Variants in SGTB observed in about 807,000 individuals in gnomAD.
The protein encoded by SGTB is small glutamine-rich tetratricopeptide repeat-containing protein beta.
SGTB carries 19 observed loss-of-function variants against 43.9 expected under a neutral mutation model. The observed-to-expected ratio is 0.43, with a 90% CI of 0.30 to 0.63. SGTB has a LOEUF of 0.63. SGTB is among the 30% of genes least tolerant of loss of function. SGTB has a pLI of 0.12. For synonymous variants in SGTB, 116 were observed against 117.3 expected (o/e 0.99, Z 0.07); for missense variants, 304 against 358.9 (o/e 0.85, Z 1.24).
At chr5:65,680,896 T>G in intron 6 of SGTB, 102 bp from the exon 7 acceptor site, 1 of 1,255,162 alleles carries the variant, frequency 8.0e-7, no homozygotes, top group Non-Finnish European at 1.1e-6. Flanking sequence ...TCAGTTCTAA[T>G]CCAGATTACA....
chr5:65,690,369 G>T (rs993218854), intron 5 of SGTB, among the ~76,000 whole-genome samples: 1 of 152,148 alleles, frequency 6.6e-6, no homozygotes. Context: ...AGCCCAGGAG[G>T]TCGAGGCTGC....
Position 65,667,312 on chromosome 5 carries a change from G to T in SGTB, c.*2934C>A, listed in dbSNP as rs539596583. 1.3e-5 allele frequency: 2 copies of T among 152,302 alleles called. No individual in the cohort carries two copies. Among genetic ancestry groups the T allele is most frequent in the Admixed American group, 6.5e-5 (1 of 15,292 alleles). The allele number at this position is 152,302 out of a possible 1,614,324, so 9.4% of individuals were successfully genotyped here. ...TGTTTTTCTAGGCAGTCAGCTAGAAGCTTATCTTATTGCTCTAAAAGCATT... is the reference window on the plus strand; with the variant it reads ...TGTTTTTCTAGGCAGTCAGCTAGAATCTTATCTTATTGCTCTAAAAGCATT... On this transcript the variant is annotated 3_prime_UTR_variant, in exon 11 of 11. Transcript: ENST00000381007.
At chr5:65,708,405 A>G in intron 4 of SGTB, 84 bp downstream of exon 4, 1 of 1,176,668 alleles carries the variant, frequency 8.5e-7, no homozygotes, top group South Asian at 1.3e-5. Flanking sequence ...TTGGTGGTGT[A>G]ATCAGAACTA....
intron 2 of SGTB, among the ~76,000 whole-genome samples, chr5:65,718,673 TAGA>T (rs1758195729): frequency 6.6e-6 from 1 of 152,152 alleles, no homozygotes; most frequent in South Asian, 2.1e-4. Flanking sequence ...TAAAAATGTC[TAGA>T]AGGTGGGCAG....
At chr5:65,709,432 G>A (rs1043919997) in intron 3 of SGTB, among the ~76,000 whole-genome samples, 2 of 148,994 alleles carry the variant, frequency 1.3e-5, no homozygotes, top group African/African-American at 5.0e-5. Context: ...AGGCTGAAGT[G>A]CAGTGGCATG....
intron 5 of SGTB, among the ~76,000 whole-genome samples, chr5:65,686,601 C>T (rs149186726): frequency 2.0e-5 from 3 of 152,036 alleles, no homozygotes; most frequent in Non-Finnish European, 4.4e-5. Flanking sequence ...TCATGCTATC[C>T]TCCCGCCTCT....
chr5:65,705,068 C>A (rs991261696), intron 4 of SGTB, among the ~76,000 whole-genome samples: 1 of 152,132 alleles, frequency 6.6e-6, no homozygotes. Context: ...AAAATGTCAG[C>A]AAAATAAGAG....
At chr5:65,713,129 T>C (rs79915448) in intron 2 of SGTB, 65 bp from the exon 3 acceptor site, 8 of 935,830 alleles carry the variant, frequency 8.5e-6, no homozygotes, top group Non-Finnish European at 1.3e-5. Flanking sequence ...GTTTTTTTTT[T>C]CTGATAGAAC....
intron 5 of SGTB, among the ~76,000 whole-genome samples, chr5:65,695,637 T>G (rs552893793): frequency 6.6e-6 from 1 of 152,194 alleles, no homozygotes; most frequent in African/African-American, 2.4e-5. Flanking sequence ...TTCTTCACCT[T>G]ATTAGAAACA....
At chr5:65,679,071 G>A (rs902832807) in intron 8 of SGTB, among the ~76,000 whole-genome samples, 3 of 151,970 alleles carry the variant, frequency 2.0e-5, no homozygotes, top group Admixed American at 6.6e-5. Flanking sequence ...CTACAGAATG[G>A]GAGAACATTT....
chr5:65,707,646 G>A (rs1668986346), intron 4 of SGTB, among the ~76,000 whole-genome samples: 1 of 152,146 alleles, frequency 6.6e-6, no homozygotes, highest in Admixed American at 6.5e-5. Context: ...AGTTGGCCAG[G>A]ATGGTCTTGA....
At chr5:65,679,225 C>A (rs1013605216) in intron 8 of SGTB, among the ~76,000 whole-genome samples, 2 of 152,124 alleles carry the variant, frequency 1.3e-5, no homozygotes, top group Admixed American at 1.3e-4. Flanking sequence ...ATGTGGCCAA[C>A]AAACATATGA....
At chr5:65,680,363 TGCTATA>T (rs1464651355) in intron 8 of SGTB, 125 bp downstream of exon 8, 1 of 847,586 alleles carries the variant, frequency 1.2e-6, no homozygotes, top group African/African-American at 1.7e-5. Flanking sequence ...AACAGAACCC[TGCTATA>T]GCCTTATATC....
At chr5:65,688,740 C>G (rs952204180) in intron 5 of SGTB, among the ~76,000 whole-genome samples, 2 of 152,160 alleles carry the variant, frequency 1.3e-5, no homozygotes, top group African/African-American at 2.4e-5. Context: ...TCAAAGAGAA[C>G]AATAATACCA....
At chr5:65,718,535 G>C (rs1488003252) in intron 2 of SGTB, among the ~76,000 whole-genome samples, 1 of 152,210 alleles carries the variant, frequency 6.6e-6, no homozygotes, top group African/African-American at 2.4e-5. Context: ...TGAAGCAAAT[G>C]TCAGTAGATG....
At chr5:65,679,919 C>A (rs1757360901) in intron 8 of SGTB, among the ~76,000 whole-genome samples, 1 of 152,104 alleles carries the variant, frequency 6.6e-6, no homozygotes, top group Non-Finnish European at 1.5e-5. Context: ...AATGCAAATG[C>A]CTATCAATGA....
intron 5 of SGTB, among the ~76,000 whole-genome samples, chr5:65,703,485 C>T (rs1286013952): frequency 6.6e-6 from 1 of 152,070 alleles, no homozygotes. Context: ...GCAGGTGGAT[C>T]ACTTGAAGTC....
Position 65,680,565 on chromosome 5 carries a change from C to T in SGTB, c.619-9G>A, listed in dbSNP as rs1757374951. On this transcript the variant is annotated splice_polypyrimidine_tract_variant and intron_variant, in intron 7 of 10. Transcript: ENST00000381007. Reference sequence around the variant, plus strand: ...CTCAGTCCAGTTCCTGTCTGTAAAACAATTATATCTGAGAATCAGTCCAGT... The same window carrying T: ...CTCAGTCCAGTTCCTGTCTGTAAAATAATTATATCTGAGAATCAGTCCAGT... 3 of 1,614,048 alleles carry T rather than the reference C, an allele frequency of 1.9e-6. No individual in the cohort carries two copies. The highest frequency in any genetic ancestry group is 1.1e-5 in the South Asian group (1 of 91,076).
At position 65,720,716 on chromosome 5, in the gene SGTB, C is replaced by G. The variant is rs372059169; in HGVS notation, c.92G>C (p.Ser31Thr). ...AAAGAGCAGATGCATACCTTCCAAA[C>G]TTTCTTGTTCATCCGAGGTGTAAGT... ...MDTYTSDEQE[S>T]LEVAIQCLET... Residue 31 changes from serine to threonine, a missense_variant, in exon 2 of 11, where the codon AGT becomes ACT. Coordinates refer to ENST00000381007, the MANE Select transcript of SGTB (RefSeq NM_019072.3). 2 of 1,612,904 alleles carry G rather than the reference C, an allele frequency of 1.2e-6. No homozygotes were observed. Among genetic ancestry groups the G allele is most frequent in the East Asian group, 2.2e-5 (1 of 44,818 alleles).
Sources: gnomAD v4.1 joint callset for allele counts (sites outside exome capture counted in the v4.1 genomes callset) on GRCh38, gnomAD v4.1.1 for gene constraint, MANE v1.5 for transcripts, NCBI Gene and HGNC (gene_info 2026-07-23, HGNC 2026-07-21) for gene names.